ABCA13: variants seen among roughly 807,000 people sequenced by gnomAD.
ABCA13 encodes ATP binding cassette subfamily A member 13.
A neutral mutation model predicts 478.7 loss-of-function variants in ABCA13; 476 were observed. The observed-to-expected ratio is 0.99, with a 90% CI of 0.92 to 1.07. The LOEUF (loss-of-function observed/expected upper bound fraction) is 1.07. Among genes scored for constraint, ABCA13 ranks in the 50% least tolerant of loss-of-function variants. The pLI, the probability that ABCA13 is intolerant of heterozygous loss-of-function variation, is 0.00. For missense variants in ABCA13, 6,060 were observed against 5,910.6 expected (o/e 1.03, Z -0.83); for synonymous variants, 2,252 against 2,158.9 (o/e 1.04, Z -1.20).
At chr7:48,365,811 A>G (rs1811571666) in intron 31 of ABCA13, among the ~76,000 whole-genome samples, 1 of 152,176 alleles carries the variant, frequency 6.6e-6, no homozygotes. Flanking sequence ...AAAGATATCT[A>G]CAAAGAAAAC....
intron 59 of ABCA13, among the ~76,000 whole-genome samples, chr7:48,622,915 T>C (rs1256964331): frequency 6.6e-6 from 1 of 152,130 alleles, no homozygotes; most frequent in Non-Finnish European, 1.5e-5. Context: ...GGACTGACAT[T>C]TGAACCCCAG....
At chr7:48,303,112 G>A (rs1450486615) in intron 23 of ABCA13, among the ~76,000 whole-genome samples, 4 of 151,914 alleles carry the variant, frequency 2.6e-5, no homozygotes, top group Non-Finnish European at 4.4e-5. Flanking sequence ...TTTTTCATAT[G>A]CTTGTTGGCT....
At chr7:48,615,465 A>G in intron 59 of ABCA13, 88 bp downstream of exon 59, 1 of 1,171,650 alleles carries the variant, frequency 8.5e-7, no homozygotes, top group Non-Finnish European at 1.2e-6. Context: ...TTTAGAGGCA[A>G]GTATGTTCCA....
At chr7:48,264,406 C>T (rs1244333064) in intron 15 of ABCA13, among the ~76,000 whole-genome samples, 5 of 151,878 alleles carry the variant, frequency 3.3e-5, no homozygotes, top group African/African-American at 9.7e-5. Context: ...ATTGGCAGTG[C>T]ATGAGAGTTA....
intron 59 of ABCA13, among the ~76,000 whole-genome samples, chr7:48,641,764 A>G (rs557167972): frequency 3.3e-4 from 50 of 152,288 alleles, no homozygotes; most frequent in African/African-American, 1.2e-3. Flanking sequence ...CTCCAGTGAC[A>G]TGGTGCTTCA....
chr7:48,231,201 A>G (rs1789025008), intron 7 of ABCA13, among the ~76,000 whole-genome samples: 1 of 152,140 alleles, frequency 6.6e-6, no homozygotes. Flanking sequence ...CTTACTTTCA[A>G]GGAAGTCATG....
chr7:48,530,846 T>C (rs1037136019), intron 55 of ABCA13, among the ~76,000 whole-genome samples: 1 of 152,172 alleles, frequency 6.6e-6, no homozygotes, highest in Non-Finnish European at 1.5e-5. Flanking sequence ...TTTGTTTCTT[T>C]CCTGCTGATT....
intron 10 of ABCA13, among the ~76,000 whole-genome samples, chr7:48,241,279 C>T (rs895588125): frequency 9.9e-5 from 15 of 152,170 alleles, no homozygotes; most frequent in Admixed American, 5.9e-4. Context: ...AGGCTGCAAT[C>T]GACCGAATAC....
chr7:48,325,190 G>A (rs1380931495), intron 27 of ABCA13, among the ~76,000 whole-genome samples: 1 of 152,178 alleles, frequency 6.6e-6, no homozygotes. Flanking sequence ...CTGGTGGTAG[G>A]AAAGCTGATC....
intron 8 of ABCA13, among the ~76,000 whole-genome samples, chr7:48,235,074 T>C (rs1485000160): frequency 6.6e-6 from 1 of 152,202 alleles, no homozygotes; most frequent in African/African-American, 2.4e-5. Flanking sequence ...AGGGGTTAGA[T>C]GGTTGGGTTG....
At chr7:48,261,629 A>G (rs537524258) in intron 15 of ABCA13, among the ~76,000 whole-genome samples, 73 of 151,896 alleles carry the variant, frequency 4.8e-4, no homozygotes, top group Non-Finnish European at 5.0e-4. Context: ...CATATTTTTA[A>G]TTTTTGAGAA....
At chr7:48,447,762 T>C (rs1824481403) in intron 42 of ABCA13, among the ~76,000 whole-genome samples, 1 of 152,174 alleles carries the variant, frequency 6.6e-6, no homozygotes, top group African/African-American at 2.4e-5. Flanking sequence ...CATCAGACCT[T>C]ACTGAGCATC....
intron 31 of ABCA13, among the ~76,000 whole-genome samples, chr7:48,358,806 G>A (rs1178072090): frequency 6.6e-6 from 1 of 152,026 alleles, no homozygotes; most frequent in Admixed American, 6.5e-5. Flanking sequence ...CCTCTACCTA[G>A]TAAAATATAG....
At chr7:48,256,418 T>C (rs1793393102) in intron 15 of ABCA13, among the ~76,000 whole-genome samples, 1 of 152,238 alleles carries the variant, frequency 6.6e-6, no homozygotes, top group Non-Finnish European at 1.5e-5. Flanking sequence ...TCCAGGATAT[T>C]GATAGTTTTA....
chr7:48,628,479 C>T (rs1032292223), intron 59 of ABCA13, among the ~76,000 whole-genome samples: 4 of 152,284 alleles, frequency 2.6e-5, no homozygotes, highest in Non-Finnish European at 1.5e-5. Context: ...ACCTGTGAAG[C>T]GGAGCAATAA....
chr7:48,496,508 T>C (rs1255680110), intron 48 of ABCA13, among the ~76,000 whole-genome samples: 2 of 152,148 alleles, frequency 1.3e-5, no homozygotes. Flanking sequence ...TTATATTTAC[T>C]TCTATTTTTA....
rs1375893011 is a variant in ABCA13, at chr7:48,350,713, C to A, written c.10275C>A (p.Val3425=). The A allele has an allele frequency of 1.5e-5, 24 of 1,613,842 alleles. No individual in the cohort carries two copies. Among genetic ancestry groups the A allele is most frequent in the Non-Finnish European group, 1.9e-5 (23 of 1,179,866 alleles). Residue 3425 remains valine, a synonymous_variant, in exon 30 of 62, where the codon GTC becomes GTA. Transcript: ENST00000435803. ...GRFRFLGSIL[V]NLSSCVALNR... Reference sequence around the variant, plus strand: ...TCCGTTTCTTGGGCAGCATCTTGGTCAATCTCTCTTCCTGCGTGGCACTGA... The same window carrying A: ...TCCGTTTCTTGGGCAGCATCTTGGTAAATCTCTCTTCCTGCGTGGCACTGA...
intron 58 of ABCA13, among the ~76,000 whole-genome samples, chr7:48,601,820 C>T (rs1027424687): frequency 1.3e-5 from 2 of 152,222 alleles, no homozygotes; most frequent in African/African-American, 4.8e-5. Flanking sequence ...AATTGGTGAA[C>T]TAATTTACAC....
At chr7:48,481,241 C>A in intron 46 of ABCA13, 87 bp downstream of exon 46, 1 of 1,119,732 alleles carries the variant, frequency 8.9e-7, no homozygotes, top group South Asian at 1.4e-5. Flanking sequence ...CTTAAAAAGT[C>A]AAAAATCTAA....
Sources: gnomAD v4.1 joint callset for allele counts (sites outside exome capture counted in the v4.1 genomes callset) on GRCh38, gnomAD v4.1.1 for gene constraint, MANE v1.5 for transcripts, NCBI Gene and HGNC (gene_info 2026-07-23, HGNC 2026-07-21) for gene names.